Variants in SPATS2L observed in about 807,000 individuals in gnomAD.
SPATS2L encodes spermatogenesis associated serine rich 2 like.
In SPATS2L, 30 loss-of-function variants were observed where a neutral mutation model predicts 59.6. That is an observed-to-expected ratio of 0.50 (90% CI 0.38 to 0.68). The LOEUF is 0.68. Ranked by LOEUF, SPATS2L falls within the 30% of genes least tolerant of loss-of-function variation. SPATS2L has a pLI of 0.00. For synonymous variants in SPATS2L, 252 were observed against 263.5 expected (o/e 0.96, Z 0.42); for missense variants, 615 against 700.0 (o/e 0.88, Z 1.37).
intron 2 of SPATS2L, among the ~76,000 whole-genome samples, chr2:200,351,661 A>G (rs1023722131): frequency 7.2e-5 from 11 of 152,182 alleles, no homozygotes; most frequent in Non-Finnish European, 1.3e-4. Flanking sequence ...ATGGGGCATA[A>G]AAATTTTTTT....
chr2:200,467,435 C>T, intron 10 of SPATS2L, 36 bp downstream of exon 10: 2 of 1,431,754 alleles, frequency 1.4e-6, no homozygotes, highest in Non-Finnish European at 2.0e-6. Flanking sequence ...AACCCTGAGC[C>T]AGAGAGCTGA....
At chr2:200,364,317 A>G (rs2081199604) in intron 2 of SPATS2L, among the ~76,000 whole-genome samples, 1 of 152,214 alleles carries the variant, frequency 6.6e-6, no homozygotes, top group African/African-American at 2.4e-5. Flanking sequence ...TTCGGTAAGA[A>G]GAATAGAATG....
At chr2:200,458,734 A>T (rs779918211) in intron 8 of SPATS2L, among the ~76,000 whole-genome samples, 2 of 43,304 alleles carry the variant, frequency 4.6e-5, no homozygotes, top group Non-Finnish European at 1.4e-4. Flanking sequence ...ACACACTGTT[A>T]AAAAAAAAAA....
Position 200,352,123 on chromosome 2 carries a change from A to G in SPATS2L, c.-23+22643A>G, listed in dbSNP as rs1293848982. 2.6e-5 allele frequency among the ~76,000 whole-genome samples: 4 copies of G among 152,104 alleles called. No homozygotes were observed. The East Asian group carries it at 5.8e-4, about 22-fold the overall frequency. ...TTTGTAAATGCCTGACAGTGTAGCAATGCCTCATGGTTTACAACCAAAAAA... is the reference window on the plus strand; with the variant it reads ...TTTGTAAATGCCTGACAGTGTAGCAGTGCCTCATGGTTTACAACCAAAAAA... On this transcript the variant is annotated intron_variant, in intron 2 of 12. Transcript: ENST00000409140.
At chr2:200,364,044 T>C (rs372272917) in intron 2 of SPATS2L, among the ~76,000 whole-genome samples, 16 of 151,874 alleles carry the variant, frequency 1.1e-4, no homozygotes, top group African/African-American at 3.9e-4. Flanking sequence ...CAGAGGGAGA[T>C]GTTACTGTGG....
At chr2:200,359,019 A>G (rs1280589456) in intron 2 of SPATS2L, among the ~76,000 whole-genome samples, 1 of 151,886 alleles carries the variant, frequency 6.6e-6, no homozygotes, top group Non-Finnish European at 1.5e-5. Flanking sequence ...CACACACACA[A>G]ATTTTCTTTG....
chr2:200,336,724 A>T (rs2080155687), intron 2 of SPATS2L, among the ~76,000 whole-genome samples: 1 of 152,210 alleles, frequency 6.6e-6, no homozygotes, highest in Non-Finnish European at 1.5e-5. Context: ...AAATGATTTA[A>T]ATGTTCATAT....
intron 3 of SPATS2L, among the ~76,000 whole-genome samples, chr2:200,395,148 T>C (rs2082291606): frequency 6.6e-6 from 1 of 152,238 alleles, no homozygotes; most frequent in Admixed American, 6.5e-5. Flanking sequence ...GTGTAAAATA[T>C]GTGGGTACCA....
intron 3 of SPATS2L, among the ~76,000 whole-genome samples, chr2:200,392,324 GA>G (rs2082196238): frequency 6.6e-6 from 1 of 152,138 alleles, no homozygotes; most frequent in African/African-American, 2.4e-5. Context: ...GAAGCCTCTG[GA>G]AAAACCCAAA....
rs80166257 is a variant in SPATS2L at position 200,454,468 on chromosome 2, C to T, written c.789-5301C>T. Reference sequence around the variant, plus strand: ...AAAATGATAAATCTATTACTACTAACGAGGCTTTCTGATTCTTTTCATTAT... The same window carrying T: ...AAAATGATAAATCTATTACTACTAATGAGGCTTTCTGATTCTTTTCATTAT... On this transcript the variant is annotated intron_variant, in intron 8 of 12. Coordinates refer to ENST00000409140, the MANE Select transcript of SPATS2L (RefSeq NM_001100423.2). Among the ~76,000 whole-genome samples the T allele has an allele frequency of 1.2e-3, 188 of 152,278 alleles. 2 individuals carry two copies. The East Asian group carries it at 0.025, about 20-fold the overall frequency.
At chr2:200,316,314 C>T (rs772283924) in intron 1 of SPATS2L, among the ~76,000 whole-genome samples, 17 of 152,086 alleles carry the variant, frequency 1.1e-4, no homozygotes, top group East Asian at 1.9e-4. Context: ...TCAACCTGGG[C>T]GGCTGTTTTT....
chr2:200,363,233 A>G (rs538488597), intron 2 of SPATS2L, among the ~76,000 whole-genome samples: 1 of 152,322 alleles, frequency 6.6e-6, no homozygotes, highest in East Asian at 1.9e-4. Context: ...ACCTCGTTAT[A>G]AAATCTGCAT....
chr2:200,366,839 T>C (rs559909360), intron 2 of SPATS2L, among the ~76,000 whole-genome samples: 5 of 152,188 alleles, frequency 3.3e-5, no homozygotes, highest in African/African-American at 1.2e-4. Context: ...GAAATCAAAA[T>C]CTTACCATAT....
rs375086482 is a variant in SPATS2L at position 200,319,415 on chromosome 2, A to C, written c.-72-10016A>C. On this transcript the variant is annotated intron_variant, in intron 1 of 12. Transcript: ENST00000409140. ...CCCCGTATCTACTAAAAATACAAAA[A>C]TTAGCTGAGCATGGTGGCGTATGCC... is the stretch of plus-strand genomic sequence containing the variant. 5.9e-5 allele frequency among the ~76,000 whole-genome samples: 9 copies of C among 152,198 alleles called. No homozygotes were observed. The East Asian group carries it at 1.5e-3, about 26-fold the overall frequency.
chr2:200,365,886 G>T (rs1314213542), intron 2 of SPATS2L, among the ~76,000 whole-genome samples: 1 of 152,160 alleles, frequency 6.6e-6, no homozygotes, highest in Non-Finnish European at 1.5e-5. Context: ...GCCAGGGATT[G>T]TATTTCATGT....
At chr2:200,406,995 G>T (rs1226695263) in intron 3 of SPATS2L, among the ~76,000 whole-genome samples, 1 of 152,124 alleles carries the variant, frequency 6.6e-6, no homozygotes, top group African/African-American at 2.4e-5. Flanking sequence ...CTAAGAAGAA[G>T]GGTAGACAAG....
At chr2:200,471,512 T>C (rs2087035983) in intron 11 of SPATS2L, among the ~76,000 whole-genome samples, 1 of 152,182 alleles carries the variant, frequency 6.6e-6, no homozygotes. Context: ...GGTCCCTTAC[T>C]AAATTCCAGG....
At chr2:200,344,850 TG>T (rs2080458859) in intron 2 of SPATS2L, among the ~76,000 whole-genome samples, 1 of 152,232 alleles carries the variant, frequency 6.6e-6, no homozygotes, top group Non-Finnish European at 1.5e-5. Flanking sequence ...ATATGCTTTT[TG>T]TGGGCATGTA....
intron 2 of SPATS2L, among the ~76,000 whole-genome samples, chr2:200,379,108 A>G (rs899307913): frequency 6.6e-6 from 1 of 151,710 alleles, no homozygotes; most frequent in Non-Finnish European, 1.5e-5. Context: ...TTCCTTCCCC[A>G]CTTCCTTGCC....
Sources: gnomAD v4.1 joint callset for allele counts (sites outside exome capture counted in the v4.1 genomes callset) on GRCh38, gnomAD v4.1.1 for gene constraint, MANE v1.5 for transcripts, NCBI Gene and HGNC (gene_info 2026-07-23, HGNC 2026-07-21) for gene names.